CNTNAP2: variants seen among roughly 807,000 people sequenced by gnomAD.
CNTNAP2 encodes contactin-associated protein-like 2.
CNTNAP2 carries 98 observed loss-of-function variants against 155.2 expected under a neutral mutation model. That is an observed-to-expected ratio of 0.63 (90% CI 0.54 to 0.75). The LOEUF (loss-of-function observed/expected upper bound fraction) is 0.75. CNTNAP2 is among the 30% of genes least tolerant of loss of function. The pLI is 0.00. For missense variants in CNTNAP2, 1,727 were observed against 1,688.1 expected (o/e 1.02, Z -0.40); for synonymous variants, 651 against 631.2 (o/e 1.03, Z -0.47).
At chr7:147,290,928 A>G (rs1182750125) in intron 8 of CNTNAP2, among the ~76,000 whole-genome samples, 1 of 152,152 alleles carries the variant, frequency 6.6e-6, no homozygotes, top group African/African-American at 2.4e-5. Context: ...TTGAATCTGC[A>G]AATAATAAGG....
At chr7:147,185,621 C>T (rs1372538628) in intron 8 of CNTNAP2, among the ~76,000 whole-genome samples, 1 of 152,064 alleles carries the variant, frequency 6.6e-6, no homozygotes, top group Non-Finnish European at 1.5e-5. Flanking sequence ...TAATGTTAAG[C>T]AACAACTTTA....
Position 146,618,156 on chromosome 7 carries a change from C to T in CNTNAP2, c.98-156115C>T, listed in dbSNP as rs1436809773. 4.6e-5 allele frequency among the ~76,000 whole-genome samples: 7 copies of T among 152,112 alleles called. No individual in the cohort carries two copies. The South Asian group carries it at 8.3e-4, about 18-fold the overall frequency. ...GGGGTAGACATCCTGCCTCACTGAA[C>T]GTTCAATTACTTTATGGGCTACAGC... On this transcript the variant is annotated intron_variant, in intron 1 of 23. Coordinates refer to ENST00000361727, the MANE Select transcript of CNTNAP2 (RefSeq NM_014141.6).
chr7:147,894,875 T>C (rs1427079934), intron 13 of CNTNAP2, among the ~76,000 whole-genome samples: 1 of 151,790 alleles, frequency 6.6e-6, no homozygotes, highest in Non-Finnish European at 1.5e-5. Context: ...CATTCGCCCT[T>C]GTGCTTCTGA....
At chr7:147,809,558 A>G (rs138035526) in intron 13 of CNTNAP2, among the ~76,000 whole-genome samples, 102 of 152,340 alleles carry the variant, frequency 6.7e-4, no homozygotes, top group Admixed American at 5.4e-3. Flanking sequence ...TTTACTATGC[A>G]TCTCCACCAG....
chr7:147,224,570 T>C (rs1391197268), intron 8 of CNTNAP2, among the ~76,000 whole-genome samples: 2 of 152,194 alleles, frequency 1.3e-5, no homozygotes, highest in Non-Finnish European at 2.9e-5. Flanking sequence ...TTTTATGTTT[T>C]CCAGGAAATC....
rs1050750686 is a variant in CNTNAP2, at chr7:146,574,372, G to A, written c.98-199899G>A. On this transcript the variant is annotated intron_variant, in intron 1 of 23. Coordinates refer to ENST00000361727, the MANE Select transcript of CNTNAP2 (RefSeq NM_014141.6). ...ATAAAGTTAAATTGTTTTAAGTCAG[G>A]CATGCAATATTAATTAATACCAACT... Among the ~76,000 whole-genome samples the A allele has an allele frequency of 5.9e-5, 9 of 152,100 alleles. No individual in the cohort carries two copies. In the East Asian group the frequency reaches 9.7e-4, roughly 16 times the overall value.
intron 13 of CNTNAP2, among the ~76,000 whole-genome samples, chr7:147,712,386 C>T (rs1309613324): frequency 6.6e-6 from 1 of 152,240 alleles, no homozygotes; most frequent in African/African-American, 2.4e-5. Flanking sequence ...CCCAGCCATC[C>T]CATGACTGGA....
chr7:146,389,445 T>C (rs1304614418), intron 1 of CNTNAP2, among the ~76,000 whole-genome samples: 1 of 152,102 alleles, frequency 6.6e-6, no homozygotes, highest in African/African-American at 2.4e-5. Context: ...CTATCTTTTC[T>C]ATCCTTTTTT....
chr7:147,164,240 T>C (rs1802078923), intron 8 of CNTNAP2, among the ~76,000 whole-genome samples: 1 of 152,230 alleles, frequency 6.6e-6, no homozygotes, highest in South Asian at 2.1e-4. Context: ...TTGACATTAT[T>C]TACTAGGACT....
chr7:147,871,667 T>C (rs1319362034), intron 13 of CNTNAP2, among the ~76,000 whole-genome samples: 1 of 151,850 alleles, frequency 6.6e-6, no homozygotes, highest in African/African-American at 2.4e-5. Flanking sequence ...TTCTCTTTTT[T>C]TTTTTTTTGC....
chr7:147,150,820 A>G (rs964499297), intron 8 of CNTNAP2, among the ~76,000 whole-genome samples: 2 of 152,232 alleles, frequency 1.3e-5, no homozygotes, highest in African/African-American at 2.4e-5. Flanking sequence ...ACACTGTATA[A>G]TAAAGAAAAT....
intron 1 of CNTNAP2, among the ~76,000 whole-genome samples, chr7:146,253,300 T>G (rs149658968): frequency 6.6e-6 from 1 of 152,320 alleles, no homozygotes; most frequent in East Asian, 1.9e-4. Flanking sequence ...ACCTAACAAA[T>G]TCTGTTTCTC....
At chr7:147,166,690 A>G (rs56170952) in intron 8 of CNTNAP2, among the ~76,000 whole-genome samples, 32,441 of 151,804 alleles carry the variant, frequency 0.21, 4,505 homozygotes, top group Non-Finnish European at 0.31. Context: ...GGGCCATTTT[A>G]TAGGATTTGG....
At chr7:146,381,453 T>C (rs1428517554) in intron 1 of CNTNAP2, among the ~76,000 whole-genome samples, 1 of 152,190 alleles carries the variant, frequency 6.6e-6, no homozygotes, top group Admixed American at 6.5e-5. Context: ...ATATGAGACC[T>C]TGGGGAGGTC....
intron 9 of CNTNAP2, among the ~76,000 whole-genome samples, chr7:147,313,761 C>G (rs1399975047): frequency 6.6e-6 from 1 of 152,036 alleles, no homozygotes; most frequent in Non-Finnish European, 1.5e-5. Context: ...TTTTTGGTTC[C>G]ATATGAACTT....
chr7:147,796,612 G>T (rs1797899571), intron 13 of CNTNAP2, among the ~76,000 whole-genome samples: 1 of 151,788 alleles, frequency 6.6e-6, no homozygotes, highest in Non-Finnish European at 1.5e-5. Context: ...CATGTTTTGT[G>T]AATTATCCAT....
intron 10 of CNTNAP2, among the ~76,000 whole-genome samples, chr7:147,460,517 T>C (rs895590062): frequency 3.9e-5 from 6 of 152,332 alleles, no homozygotes; most frequent in African/African-American, 1.2e-4. Context: ...TTGGCCGTAA[T>C]TGGTTTTGTT....
chr7:147,026,725 C>A (rs1451300316), intron 3 of CNTNAP2, among the ~76,000 whole-genome samples: 1 of 151,516 alleles, frequency 6.6e-6, no homozygotes, highest in African/African-American at 2.4e-5. Flanking sequence ...GACTTGATTA[C>A]CACTGTTTTA....
rs186496189 is a variant in CNTNAP2 at position 147,359,779 on chromosome 7, C to G, written c.1499-35830C>G. On this transcript the variant is annotated intron_variant, in intron 9 of 23. Transcript: ENST00000361727. ...CCAAATGTCACCTTCTTGATGAAGCCTTCCCTGACCGCCCTAAAGTAGAAA... is the reference window on the plus strand; with the variant it reads ...CCAAATGTCACCTTCTTGATGAAGCGTTCCCTGACCGCCCTAAAGTAGAAA... Among the ~76,000 whole-genome samples, 11 of 152,170 alleles carry G rather than the reference C, an allele frequency of 7.2e-5. No individual in the cohort carries two copies. In the East Asian group the frequency reaches 2.1e-3, roughly 30 times the overall value.
Sources: allele counts gnomAD v4.1 joint callset (sites outside exome capture counted in the v4.1 genomes callset), GRCh38; gene constraint gnomAD v4.1.1; transcripts MANE v1.5; gene names NCBI Gene and HGNC (gene_info 2026-07-23, HGNC 2026-07-21).